The following EXOC6 variants were observed in gnomAD, a reference collection of about 807,000 sequenced individuals.
EXOC6 encodes SEC15-like 1.
In EXOC6, 60 loss-of-function variants were observed where a neutral mutation model predicts 112.5. The ratio of observed to expected loss-of-function variants is 0.53; its 90% CI spans 0.43 to 0.66. EXOC6 has a LOEUF of 0.66. EXOC6 is among the 30% of genes least tolerant of loss of function. The pLI is 0.00. For missense variants in EXOC6, 855 were observed against 957.1 expected, an observed-to-expected ratio of 0.89 and a Z score of 1.41; for synonymous variants, 295 against 308.0, an observed-to-expected ratio of 0.96 and a Z score of 0.44.
intron 1 of EXOC6, among the ~76,000 whole-genome samples, chr10:92,865,615 CA>C (rs906422965): frequency 2.6e-5 from 4 of 151,738 alleles, no homozygotes; most frequent in Admixed American, 6.6e-5. Context: ...CTAATTTTTG[CA>C]TTTTTTTTTT....
chr10:92,962,572 T>C (rs2134045049), intron 17 of EXOC6, among the ~76,000 whole-genome samples: 1 of 152,118 alleles, frequency 6.6e-6, no homozygotes, highest in African/African-American at 2.4e-5. Flanking sequence ...AAAAATTGTT[T>C]TGTAGAGACA....
chr10:92,853,387 A>T (rs1847442917), intron 1 of EXOC6, among the ~76,000 whole-genome samples: 1 of 152,226 alleles, frequency 6.6e-6, no homozygotes, highest in Non-Finnish European at 1.5e-5. Flanking sequence ...ATAGAAATTG[A>T]CAAGCTGATT....
chr10:92,834,293 C>T (rs745969230), upstream of EXOC6, among the ~76,000 whole-genome samples: 1 of 152,066 alleles, frequency 6.6e-6, no homozygotes, highest in Non-Finnish European at 1.5e-5. Context: ...CTTCTGGAAG[C>T]ATAGTTGCGG....
chr10:92,936,830 T>C, intron 12 of EXOC6, among the ~76,000 whole-genome samples: 1 of 151,984 alleles, frequency 6.6e-6, no homozygotes, highest in East Asian at 1.9e-4. Context: ...CTCCTCGATA[T>C]TAGGAAAAAT....
At chr10:92,879,342 G>A (rs951030888) in intron 1 of EXOC6, among the ~76,000 whole-genome samples, 1 of 152,086 alleles carries the variant, frequency 6.6e-6, no homozygotes. Context: ...GGTGGTGCAC[G>A]CCTGTGGTCA....
chr10:92,860,241 C>A (rs1346765216), intron 1 of EXOC6, among the ~76,000 whole-genome samples: 4 of 149,372 alleles, frequency 2.7e-5, no homozygotes, highest in Non-Finnish European at 4.4e-5. Context: ...ATTGTTCTGC[C>A]ACCATTATCA....
chr10:92,848,927 G>T (rs988610466), intron 1 of EXOC6, among the ~76,000 whole-genome samples: 3 of 152,218 alleles, frequency 2.0e-5, no homozygotes, highest in African/African-American at 7.2e-5. Flanking sequence ...CTGCGGCCCC[G>T]CGTTCTCCTC....
intron 5 of EXOC6, among the ~76,000 whole-genome samples, chr10:92,909,053 G>C (rs1850599027): frequency 6.6e-6 from 1 of 151,954 alleles, no homozygotes; most frequent in Non-Finnish European, 1.5e-5. Flanking sequence ...TGTGTGGATG[G>C]ATATTATGAT....
intron 17 of EXOC6, among the ~76,000 whole-genome samples, chr10:92,960,922 G>T (rs1046205159): frequency 2.0e-5 from 3 of 152,110 alleles, no homozygotes; most frequent in Non-Finnish European, 4.4e-5. Context: ...ATTTATTAGT[G>T]TGAACTGTAT....
chr10:93,042,958 A>T (rs796601688), intron 20 of EXOC6, among the ~76,000 whole-genome samples: 18,951 of 110,050 alleles, frequency 0.17, 1,321 homozygotes, highest in Admixed American at 0.24. Flanking sequence ...TATTATTATT[A>T]TTTTTTGAGA....
At chr10:93,029,012 A>T (rs1845150403) in intron 20 of EXOC6, among the ~76,000 whole-genome samples, 1 of 152,188 alleles carries the variant, frequency 6.6e-6, no homozygotes, top group Admixed American at 6.5e-5. Flanking sequence ...CAATTGATGC[A>T]GTAAATTTCA....
At chr10:93,000,585 G>GA (rs1412923583) in intron 19 of EXOC6, among the ~76,000 whole-genome samples, 1 of 152,192 alleles carries the variant, frequency 6.6e-6, no homozygotes, top group African/African-American at 2.4e-5. Context: ...CTGTAGATAT[G>GA]AAAAGGGAGA....
intron 18 of EXOC6, among the ~76,000 whole-genome samples, chr10:92,991,186 C>G (rs1347276671): frequency 6.6e-6 from 1 of 151,380 alleles, no homozygotes; most frequent in African/African-American, 2.4e-5. Flanking sequence ...ACCTGTAATC[C>G]CAGCACTTTG....
chr10:92,894,743 A>C (rs778324089), intron 2 of EXOC6, 51 bp from the exon 3 acceptor site: 8 of 1,439,478 alleles, frequency 5.6e-6, no homozygotes, highest in Non-Finnish European at 6.8e-6. Flanking sequence ...CAGTTACATC[A>C]GGGCAGTTTT....
intron 6 of EXOC6, among the ~76,000 whole-genome samples, chr10:92,911,924 T>C (rs1204651374): frequency 1.6e-5 from 2 of 127,354 alleles, no homozygotes; most frequent in African/African-American, 6.2e-5. Context: ...TCTCTCTCTC[T>C]CTCTCTCTGT....
intron 19 of EXOC6, 34 bp from the exon 20 acceptor site, chr10:93,014,160 C>A (rs1844390028): frequency 6.5e-7 from 1 of 1,542,810 alleles, no homozygotes; most frequent in Non-Finnish European, 8.9e-7. Context: ...TTTGTGATCT[C>A]ATTTTTATTC....
intron 4 of EXOC6, among the ~76,000 whole-genome samples, chr10:92,897,376 A>G (rs1564811095): frequency 6.6e-6 from 1 of 152,158 alleles, no homozygotes; most frequent in African/African-American, 2.4e-5. Flanking sequence ...GTGAGGCATC[A>G]TGGTAGGTAT....
chr10:92,854,149 A>G (rs1284137221), intron 1 of EXOC6, among the ~76,000 whole-genome samples: 2 of 152,148 alleles, frequency 1.3e-5, no homozygotes, highest in East Asian at 3.8e-4. Context: ...AAAACAACTA[A>G]AAAAATGAGG....
In EXOC6 at chr10:92,909,618, C is replaced by G. The variant is rs200809702; in HGVS notation, c.650C>G (p.Thr217Arg). 12 of 1,603,026 alleles carry G rather than the reference C, an allele frequency of 7.5e-6. No homozygotes were observed. The highest frequency in any genetic ancestry group is 6.7e-5 in the Admixed American group (4 of 59,568). ...AAACATTCTGACAAAATAGGTGAAA[C>G]AGCAATGAAACAGGTGAGATTAAAA... ...IRKHSDKIGE[T>R]AMKQAQHQKT... The change falls in exon 6 of 22, where the codon ACA becomes AGA. Residue 217 changes from threonine to arginine, a missense_variant. This residue lies in a region of EXOC6 where 405 missense variants were observed against 393.6 expected (regional missense o/e 1.03). Coordinates refer to ENST00000260762, the MANE Select transcript of EXOC6 (RefSeq NM_019053.6).
Sources: gnomAD v4.1 joint callset for allele counts (sites outside exome capture counted in the v4.1 genomes callset) on GRCh38, gnomAD v4.1.1 for gene constraint, gnomAD v4.1.1 regional missense constraint, MANE v1.5 for transcripts, NCBI Gene and HGNC (gene_info 2026-07-23, HGNC 2026-07-21) for gene names.